OPCML: variants seen among roughly 807,000 people sequenced by gnomAD.
The protein encoded by OPCML is opioid-binding protein/cell adhesion molecule.
Under a neutral mutation model 37.8 loss-of-function variants are expected in OPCML, and 13 were observed. The observed-to-expected ratio is 0.34, with a 90% CI of 0.22 to 0.55. OPCML has a LOEUF of 0.55. Ranked by LOEUF, OPCML falls within the 20% of genes least tolerant of loss-of-function variation. The pLI is 0.91. For synonymous variants in OPCML, 176 were observed against 168.8 expected, an observed-to-expected ratio of 1.04 and a Z score of -0.33; for missense variants, 341 against 435.6, an observed-to-expected ratio of 0.78 and a Z score of 1.93.
chr11:133,294,197 T>C (rs1942563653), intron 1 of OPCML, among the ~76,000 whole-genome samples: 1 of 151,614 alleles, frequency 6.6e-6, no homozygotes, highest in Non-Finnish European at 1.5e-5. Flanking sequence ...GACAACAGCA[T>C]GAAGCGGTGT....
intron 1 of OPCML, chr11:133,008,046 T>G: frequency 4.1e-6 from 4 of 985,450 alleles, no homozygotes; most frequent in Non-Finnish European, 4.8e-6. Context: ...ATTGTTGAGA[T>G]CTTGCTGTAC....
intron 2 of OPCML, among the ~76,000 whole-genome samples, chr11:132,927,689 T>C (rs993961951): frequency 6.6e-6 from 1 of 152,072 alleles, no homozygotes; most frequent in African/African-American, 2.4e-5. Context: ...AAACCTGTAT[T>C]ATTGTCATTT....
At chr11:133,034,749 T>C (rs1253804575) in intron 1 of OPCML, among the ~76,000 whole-genome samples, 1 of 142,920 alleles carries the variant, frequency 7.0e-6, no homozygotes, top group Non-Finnish European at 1.5e-5. Context: ...TTGTTTTTTT[T>C]CCTTTTTTTT....
At chr11:133,155,975 C>T (rs1412306386) in intron 1 of OPCML, among the ~76,000 whole-genome samples, 1 of 152,108 alleles carries the variant, frequency 6.6e-6, no homozygotes, top group East Asian at 1.9e-4. Context: ...TTTGCAAGGT[C>T]GGGATCTTAT....
chr11:132,972,243 G>C (rs1487246853), intron 1 of OPCML, among the ~76,000 whole-genome samples: 2 of 152,098 alleles, frequency 1.3e-5, no homozygotes, highest in Admixed American at 6.5e-5. Context: ...CCAGTCCTGC[G>C]GTGTGATTTT....
intron 2 of OPCML, among the ~76,000 whole-genome samples, chr11:132,779,558 G>C (rs371496727): frequency 4.9e-4 from 75 of 151,840 alleles, no homozygotes; most frequent in African/African-American, 1.7e-3. Context: ...TAGACAGAAG[G>C]GGGGCGTGGG....
chr11:132,505,293 G>A (rs894951206), intron 4 of OPCML, among the ~76,000 whole-genome samples: 3 of 152,088 alleles, frequency 2.0e-5, no homozygotes, highest in African/African-American at 7.2e-5. Context: ...CAGGAAGACC[G>A]TGCTTTAATA....
At chr11:132,965,159 C>A (rs1946185623) in intron 1 of OPCML, among the ~76,000 whole-genome samples, 1 of 152,158 alleles carries the variant, frequency 6.6e-6, no homozygotes, top group Non-Finnish European at 1.5e-5. Context: ...GCTGTGCAAC[C>A]TAGGGAAGTT....
chr11:133,204,882 A>ATATGTGTG lies in OPCML; in HGVS notation c.62-261873_62-261872insCACACATA, dbSNP rs1385122603. Among the ~76,000 whole-genome samples the ATATGTGTG allele has an allele frequency of 7.5e-3, 226 of 30,204 alleles. 6 individuals carry two copies. Among genetic ancestry groups the ATATGTGTG allele is most frequent in the African/African-American group, 0.027 (215 of 7,868 alleles). 19.8% of individuals were successfully genotyped at this position (30,204 alleles called of 152,430 possible). On this transcript the variant is annotated intron_variant, in intron 1 of 7. Transcript: ENST00000524381. The stretch of plus-strand genomic sequence containing the variant: ...TATATATATGTGTATATATATATAT[A>ATATGTGTG]TATATATATATATATATATATATAT...
intron 3 of OPCML, among the ~76,000 whole-genome samples, chr11:132,594,149 G>A (rs1433978149): frequency 6.6e-6 from 1 of 152,198 alleles, no homozygotes; most frequent in Non-Finnish European, 1.5e-5. Context: ...AAGGGGCTGT[G>A]AGTAAATGCA....
intron 3 of OPCML, among the ~76,000 whole-genome samples, chr11:132,617,134 C>T (rs1939081670): frequency 6.6e-6 from 1 of 152,180 alleles, no homozygotes; most frequent in Non-Finnish European, 1.5e-5. Context: ...CTTTCTATAT[C>T]TTCTGGATAC....
intron 1 of OPCML, chr11:133,360,243 T>C (rs575414066): frequency 6.6e-6 from 1 of 152,378 alleles, no homozygotes; most frequent in Admixed American, 6.5e-5. Context: ...TTCTATTTTA[T>C]CTATGGCCAA....
At chr11:133,057,733 C>T (rs532632249) in intron 1 of OPCML, among the ~76,000 whole-genome samples, 38 of 152,280 alleles carry the variant, frequency 2.5e-4, no homozygotes, top group Middle Eastern at 3.4e-3. Context: ...CCTCTGTCAT[C>T]GTCCCTTCAT....
chr11:132,668,497 T>C (rs1242750619), intron 2 of OPCML, among the ~76,000 whole-genome samples: 1 of 152,166 alleles, frequency 6.6e-6, no homozygotes, highest in East Asian at 1.9e-4. Context: ...CACAGTGCTA[T>C]TATGAGGACT....
At chr11:133,243,813 C>A (rs367643116) in intron 1 of OPCML, among the ~76,000 whole-genome samples, 3 of 152,312 alleles carry the variant, frequency 2.0e-5, no homozygotes, top group South Asian at 2.1e-4. Flanking sequence ...ACAGCACAGT[C>A]GGAAAAGCAA....
chr11:133,141,754 C>T (rs1032754869), intron 1 of OPCML, among the ~76,000 whole-genome samples: 1 of 152,196 alleles, frequency 6.6e-6, no homozygotes, highest in African/African-American at 2.4e-5. Context: ...TCCCTTCCCA[C>T]TCAAATGTTT....
intron 1 of OPCML, among the ~76,000 whole-genome samples, chr11:133,354,292 C>CA (rs1565588757): frequency 6.1e-4 from 12 of 19,708 alleles, no homozygotes; most frequent in East Asian, 2.0e-3. Flanking sequence ...GATGGTGGTG[C>CA]TGGTGGTGGT....
intron 2 of OPCML, among the ~76,000 whole-genome samples, chr11:132,697,820 C>A (rs1417385722): frequency 6.6e-6 from 1 of 151,976 alleles, no homozygotes; most frequent in African/African-American, 2.4e-5. Context: ...GGCTGGAGTG[C>A]AGTGGTGTAA....
rs1337338498 is a variant in OPCML at position 133,212,568 on chromosome 11, T to C, written c.62-269558A>G. 6.6e-6 allele frequency among the ~76,000 whole-genome samples: 1 copy of C among 152,204 alleles called. No homozygotes were observed. The highest frequency in any genetic ancestry group is 6.5e-5 in the Admixed American group (1 of 15,280). ...TACTCTGCTCACCCCGCTGCACTCTTGATCTCCCTTACTCTCTTTTACTTT... is the reference window on the plus strand; with the variant it reads ...TACTCTGCTCACCCCGCTGCACTCTCGATCTCCCTTACTCTCTTTTACTTT... On this transcript the variant is annotated intron_variant, in intron 1 of 7. Coordinates refer to ENST00000524381, the MANE Select transcript of OPCML (RefSeq NM_001012393.5). The surrounding 1 kb of genome is among the most constrained non-coding windows in gnomAD (Gnocchi z 4.9).
Sources: gnomAD v4.1 joint callset for allele counts (sites outside exome capture counted in the v4.1 genomes callset) on GRCh38, gnomAD v4.1.1 for gene constraint, Gnocchi (gnomAD v3.1) non-coding constraint, MANE v1.5 for transcripts, NCBI Gene and HGNC (gene_info 2026-07-23, HGNC 2026-07-21) for gene names.